Variants in CACNA2D4 observed in about 807,000 individuals in gnomAD.
The protein encoded by CACNA2D4 is voltage-dependent calcium channel subunit alpha-2/delta-4.
Under a neutral mutation model 163.8 loss-of-function variants are expected in CACNA2D4, and 157 were observed. The ratio of observed to expected loss-of-function variants is 0.96; its 90% confidence interval spans 0.84 to 1.09. CACNA2D4 has a LOEUF of 1.09. Ranked by LOEUF, CACNA2D4 falls within the 50% of genes least tolerant of loss-of-function variation. The probability of loss-of-function intolerance (pLI) is 0.00; values close to 1 mark genes in which losing one functional copy is unlikely to be tolerated. For synonymous variants in CACNA2D4, 598 were observed against 586.9 expected (o/e 1.02, Z -0.27); for missense variants, 1,410 against 1,479.9 (o/e 0.95, Z 0.78).
intron 26 of CACNA2D4, among the ~76,000 whole-genome samples, chr12:1,823,913 G>A (rs891538343): frequency 2.6e-4 from 40 of 152,194 alleles, no homozygotes; most frequent in Admixed American, 2.2e-3. Context: ...TAACCCCCAC[G>A]TGTAAGCAGA....
At chr12:1,909,476 G>A (rs960807703) in intron 4 of CACNA2D4, among the ~76,000 whole-genome samples, 1 of 152,258 alleles carries the variant, frequency 6.6e-6, no homozygotes, top group African/African-American at 2.4e-5. Context: ...TTACAGGCGT[G>A]AGCCACCGCG....
At position 1,917,086 on chromosome 12, in the gene CACNA2D4, G is replaced by A. The variant is rs937579698; in HGVS notation, c.227+1161C>T. Among the ~76,000 whole-genome samples the A allele has an allele frequency of 2.6e-5, 4 of 152,120 alleles. No individual in the cohort carries two copies. The highest frequency in any genetic ancestry group is 4.4e-5 in the Non-Finnish European group (3 of 68,020). ...GCAACAGATAGCGTTACGGGCTGGCGGCGGGTGTAATGGTGAAAGTGCAGT... is the reference window on the plus strand; with the variant it reads ...GCAACAGATAGCGTTACGGGCTGGCAGCGGGTGTAATGGTGAAAGTGCAGT... On this transcript the variant is annotated intron_variant, in intron 1 of 37. Coordinates refer to ENST00000382722, the MANE Select transcript of CACNA2D4 (RefSeq NM_172364.5). The surrounding 1 kb of genome is among the most constrained non-coding windows in gnomAD (Gnocchi z 4.3).
At position 1,885,150 on chromosome 12, in the gene CACNA2D4, T is replaced by C. The variant is rs529512712; in HGVS notation, c.1069-74A>G. ...GTGGAGCTTCATGTTTGGTGTTAAT[T>C]TGGGAGGCTGTTTAGGGCCATCCAG... On this transcript the variant is annotated intron_variant, in intron 9 of 37. Coordinates refer to ENST00000382722, the MANE Select transcript of CACNA2D4 (RefSeq NM_172364.5). 1,824 of 1,306,398 alleles carry C rather than the reference T, an allele frequency of 1.4e-3. 4 individuals carry two copies. Among genetic ancestry groups the C allele is most frequent in the Middle Eastern group, 5.2e-3 (25 of 4,804 alleles). 80.9% of individuals were successfully genotyped at this position (1,306,398 alleles called of 1,614,324 possible).
At chr12:1,846,812 G>A (rs2154447954) in intron 23 of CACNA2D4, 123 bp from the exon 24 acceptor site, 1 of 787,068 alleles carries the variant, frequency 1.3e-6, no homozygotes, top group East Asian at 2.7e-5. Context: ...AGACTTTCCA[G>A]GAAGGCTGGG....
At chr12:1,804,121 C>CTGTGTGTGTGTG (rs57706301) in intron 29 of CACNA2D4, among the ~76,000 whole-genome samples, 107 of 139,168 alleles carry the variant, frequency 7.7e-4, no homozygotes, top group South Asian at 5.5e-3. Context: ...ATTCTAGTTA[C>CTGTGTGTGTGTG]TGTGTGTGTG....
In CACNA2D4 at chr12:1,913,100, C is replaced by T. The variant is rs1264358123; in HGVS notation, c.349G>A (p.Val117Met). 6.2e-7 allele frequency: 1 copy of T among 1,613,888 alleles called. No individual in the cohort carries two copies. The highest frequency in any genetic ancestry group is 8.5e-7 in the Non-Finnish European group (1 of 1,179,784). Residue 117 changes from valine to methionine, a missense_variant, in exon 3 of 38, where the codon GTG (valine) becomes ATG (methionine). Val to Met is a conservative substitution (Grantham distance 21). Coordinates refer to ENST00000382722, the MANE Select transcript of CACNA2D4 (RefSeq NM_172364.5). ...TTCCTCACCAGCTCCAAGCCATCCA[C>T]CTCCTCGATCTTCAGACTGGACTCC... The part of the protein sequence containing the change: ...DVESSLKIEE[V>M]DGLELVRKFS...
At position 1,828,340 on chromosome 12, in the gene CACNA2D4, TG is replaced by T; in HGVS notation, c.2551+12398del. The T allele has an allele frequency of 1.2e-6, 1 of 854,100 alleles. No homozygotes were observed. The allele number at this position is 854,100 out of a possible 1,614,324, so 52.9% of individuals were successfully genotyped here. ...CAGGGAGGCCTACGCCAGATCTTCC[TG>T]GGGTACCCGAGGCTATGTTCTGGGA... On this transcript the variant is annotated intron_variant, in intron 26 of 37. Coordinates refer to ENST00000382722, the MANE Select transcript of CACNA2D4 (RefSeq NM_172364.5). The surrounding 1 kb of genome is among the most constrained non-coding windows in gnomAD (Gnocchi z 4.2).
intron 6 of CACNA2D4, among the ~76,000 whole-genome samples, chr12:1,897,667 CAG>C (rs1288006449): frequency 6.6e-6 from 1 of 152,008 alleles, no homozygotes; most frequent in Non-Finnish European, 1.5e-5. Context: ...GCTAAAATGA[CAG>C]AAAGTTCGTA....
In CACNA2D4 at chr12:1,843,068, C is replaced by T. The variant is rs188002364; in HGVS notation, c.2470+1334G>A. On this transcript the variant is annotated intron_variant, in intron 25 of 37. Coordinates refer to ENST00000382722, the MANE Select transcript of CACNA2D4 (RefSeq NM_172364.5). The surrounding 1 kb of genome is among the most constrained non-coding windows in gnomAD (Gnocchi z 4.6). ...CCTTGTGTAAGTTGAGGGATAATGACGGCACTTATCTCATGGGGTTGTCTA... is the reference window on the plus strand; with the variant it reads ...CCTTGTGTAAGTTGAGGGATAATGATGGCACTTATCTCATGGGGTTGTCTA... 1.3e-5 allele frequency among the ~76,000 whole-genome samples: 2 copies of T among 152,244 alleles called. No individual in the cohort carries two copies. Among genetic ancestry groups the T allele is most frequent in the Admixed American group, 1.3e-4 (2 of 15,302 alleles).
intron 6 of CACNA2D4, among the ~76,000 whole-genome samples, chr12:1,893,041 A>G (rs1866323692): frequency 6.6e-6 from 1 of 152,220 alleles, no homozygotes; most frequent in Non-Finnish European, 1.5e-5. Flanking sequence ...CAATACAATA[A>G]TAGTTGGAAC....
intron 30 of CACNA2D4, among the ~76,000 whole-genome samples, 175 bp from the exon 31 acceptor site, chr12:1,801,293 G>GT (rs1863316243): frequency 6.6e-6 from 1 of 152,236 alleles, no homozygotes; most frequent in Non-Finnish European, 1.5e-5. Context: ...ACTTGGAATG[G>GT]TTTAAAGACA....
chr12:1,817,530 C>T (rs1434154670), intron 26 of CACNA2D4, among the ~76,000 whole-genome samples: 1 of 152,198 alleles, frequency 6.6e-6, no homozygotes, highest in Non-Finnish European at 1.5e-5. Context: ...CCCTCTGATG[C>T]CGAGCCGAAG....
chr12:1,795,605 C>G, intron 36 of CACNA2D4, 63 bp downstream of exon 36: 3 of 1,184,984 alleles, frequency 2.5e-6, no homozygotes, highest in East Asian at 2.3e-5. Flanking sequence ...AAAATCTGAG[C>G]CCTACAGACA....
rs886460974 is a variant in CACNA2D4 at position 1,878,894 on chromosome 12, C to T, written c.1644+62G>A. Reference sequence around the variant, plus strand: ...CTTGCCTGGAGAGAGGCTCCCATCACGGGGGAGGGAGTTTGCTCCTGGGGA... The same window carrying T: ...CTTGCCTGGAGAGAGGCTCCCATCATGGGGGAGGGAGTTTGCTCCTGGGGA... On this transcript the variant is annotated intron_variant, in intron 15 of 37. Coordinates refer to ENST00000382722, the MANE Select transcript of CACNA2D4 (RefSeq NM_172364.5). This position sits in a 1 kb window ranked among gnomAD's most constrained non-coding sequence, Gnocchi z 4.6. 18 of 1,483,124 alleles carry T rather than the reference C, an allele frequency of 1.2e-5. No individual in the cohort carries two copies. Among genetic ancestry groups the T allele is most frequent in the Middle Eastern group, 1.8e-4 (1 of 5,666 alleles). 91.9% of individuals were successfully genotyped at this position (1,483,124 alleles called of 1,614,324 possible).
intron 26 of CACNA2D4, among the ~76,000 whole-genome samples, chr12:1,817,619 G>C (rs71454843): frequency 6.6e-5 from 10 of 151,870 alleles, no homozygotes; most frequent in East Asian, 2.0e-4. Context: ...AAGTGCCTGC[G>C]ATTGCAGGCG....
At chr12:1,858,993 G>A (rs1186811411) in intron 19 of CACNA2D4, among the ~76,000 whole-genome samples, 1 of 152,174 alleles carries the variant, frequency 6.6e-6, no homozygotes, top group African/African-American at 2.4e-5. Flanking sequence ...CCCACAAACA[G>A]GAGCTCCTTT....
At chr12:1,872,332 G>A (rs1262446662) in intron 18 of CACNA2D4, among the ~76,000 whole-genome samples, 1 of 152,170 alleles carries the variant, frequency 6.6e-6, no homozygotes, top group African/African-American at 2.4e-5. Context: ...GGGTTTGTGA[G>A]TCCTGCCTTA....
chr12:1,881,563 A>G (rs1264879167), intron 13 of CACNA2D4, among the ~76,000 whole-genome samples: 1 of 152,212 alleles, frequency 6.6e-6, no homozygotes, highest in African/African-American at 2.4e-5. Context: ...CAGGCAGATG[A>G]ATGCACGGGT....
intron 1 of CACNA2D4, among the ~76,000 whole-genome samples, chr12:1,915,831 G>T (rs931065646): frequency 1.3e-5 from 2 of 152,214 alleles, no homozygotes; most frequent in Non-Finnish European, 2.9e-5. Flanking sequence ...TTGCCTGTGC[G>T]ATCCTTTCAA....
Sources: allele counts gnomAD v4.1 joint callset (sites outside exome capture counted in the v4.1 genomes callset), GRCh38; gene constraint gnomAD v4.1.1; non-coding constraint Gnocchi (gnomAD v3.1); transcripts MANE v1.5; gene names NCBI Gene and HGNC (gene_info 2026-07-23, HGNC 2026-07-21).